Variants in DOK7 observed in about 807,000 individuals in gnomAD.
DOK7 encodes the protein docking protein 7.
Under a neutral mutation model 30.7 loss-of-function variants are expected in DOK7, and 32 were observed. The observed-to-expected ratio is 1.04, with a 90% CI of 0.79 to 1.40. The LOEUF is 1.40. Among genes scored for constraint, DOK7 ranks in the 40% most tolerant of loss-of-function variants. The probability of loss-of-function intolerance (pLI) is 0.00; values close to 1 mark genes in which losing one functional copy is unlikely to be tolerated. For synonymous variants in DOK7, 447 were observed against 324.1 expected, an observed-to-expected ratio of 1.38 and a Z score of -4.07; for missense variants, 1,007 against 699.2, an observed-to-expected ratio of 1.44 and a Z score of -4.97.
chr4:3,498,768 G>A (rs185286451), downstream of DOK7, among the ~76,000 whole-genome samples: 3 of 152,376 alleles, frequency 2.0e-5, no homozygotes, highest in Non-Finnish European at 4.4e-5. Context: ...TCGATGAAGG[G>A]GTCCTGGCAT....
In DOK7 at chr4:3,470,507, C is replaced by A. The variant is rs181768398; in HGVS notation, c.101-2899C>A. Reference sequence around the variant, plus strand: ...TGGCGTCCGTGAATCAGAAAGAGGTCTGAGGGTCGAGCGTGGGTTCAGCAT... The same window carrying A: ...TGGCGTCCGTGAATCAGAAAGAGGTATGAGGGTCGAGCGTGGGTTCAGCAT... On this transcript the variant is annotated intron_variant, in intron 2 of 6. Transcript: ENST00000340083. Among the ~76,000 whole-genome samples, 13 of 152,298 alleles carry A rather than the reference C, an allele frequency of 8.5e-5. No individual in the cohort carries two copies. In the East Asian group the frequency reaches 2.5e-3, roughly 29 times the overall value.
chr4:3,493,596 G>A lies in DOK7; in HGVS notation c.*95G>A. 6.5e-7 allele frequency: 1 copy of A among 1,539,652 alleles called. No individual in the cohort carries two copies. The highest frequency in any genetic ancestry group is 8.8e-7 in the Non-Finnish European group (1 of 1,141,272). ...CAGCCTCCTTGCAGACTGGTGCTCT[G>A]TGTTCTGTGGGAGGGACCGGGGGTC... On this transcript the variant is annotated 3_prime_UTR_variant, in exon 7 of 7. Coordinates refer to ENST00000340083, the MANE Select transcript of DOK7 (RefSeq NM_173660.5).
chr4:3,500,437 T>C (rs1008864961), intron 7 of DOK7: 5 of 1,531,634 alleles, frequency 3.3e-6, no homozygotes, highest in African/African-American at 1.4e-5. Flanking sequence ...GCACTGACAA[T>C]TGGGGGCTGG....
Position 3,473,536 on chromosome 4 carries a change from G to C in DOK7, c.231G>C (p.Thr77=). The change falls in exon 3 of 7, where the codon ACG becomes ACC. Residue 77 remains threonine (T), a synonymous_variant. Transcript: ENST00000340083. ...PGLPYEGLVH[T]LAIVCLSQAI... ...TGCCCTACGAGGGCCTGGTCCACAC[G>C]CTGGCCATTGTCTGCCTGTCCCAGG... 1.9e-6 allele frequency: 3 copies of C among 1,610,850 alleles called. No homozygotes were observed. Among genetic ancestry groups the C allele is most frequent in the Non-Finnish European group, 2.5e-6 (3 of 1,179,638 alleles).
intron 6 of DOK7, among the ~76,000 whole-genome samples, chr4:3,492,082 G>A (rs1026205512): frequency 6.6e-6 from 1 of 152,232 alleles, no homozygotes; most frequent in African/African-American, 2.4e-5. Flanking sequence ...GGGAGCCCTG[G>A]AAGGCAGAGC....
chr4:3,489,704 T>C lies in DOK7; in HGVS notation c.680T>C (p.Val227Ala). Reference protein sequence around the residue: ...PDPSPPGPSTVEERVAQEALE... With the variant: ...PDPSPPGPSTAEERVAQEALE... ...CCAAGTCCCCCGGGACCCTCGACTGTGGAGGAGCGTGTGGCCCAGGAAGCC... is the reference window on the plus strand; with the variant it reads ...CCAAGTCCCCCGGGACCCTCGACTGCGGAGGAGCGTGTGGCCCAGGAAGCC... The change falls in exon 6 of 7, where the codon GTG becomes GCG. Residue 227 changes from valine to alanine, a missense_variant. By Grantham distance (64) the Val-to-Ala change is moderately conservative (BLOSUM62 0). Transcript: ENST00000340083. The C allele has an allele frequency of 1.9e-6, 3 of 1,563,850 alleles. No individual in the cohort carries two copies. Among genetic ancestry groups the C allele is most frequent in the Non-Finnish European group, 2.6e-6 (3 of 1,154,328 alleles).
chr4:3,496,872 T>C (rs146575370), downstream of DOK7: 8,327 of 1,476,286 alleles, frequency 5.6e-3, 330 homozygotes, highest in African/African-American at 0.1. Context: ...GGTAGGCACC[T>C]GGAGCCAGTC....
downstream of DOK7, among the ~76,000 whole-genome samples, chr4:3,496,177 GC>G (rs1728900917): frequency 6.6e-6 from 1 of 152,234 alleles, no homozygotes; most frequent in Non-Finnish European, 1.5e-5. Flanking sequence ...TCCCGCAAGC[GC>G]CCTTCAGACC....
intron 5 of DOK7, among the ~76,000 whole-genome samples, chr4:3,489,380 G>A (rs953830129): frequency 1.3e-5 from 2 of 152,140 alleles, no homozygotes; most frequent in African/African-American, 4.8e-5. Context: ...ACTCGGTGGT[G>A]AGGAAGATGA....
chr4:3,496,730 G>A, downstream of DOK7: 1 of 1,433,002 alleles, frequency 7.0e-7, no homozygotes, highest in African/African-American at 1.4e-5. Flanking sequence ...GTCACTCTTG[G>A]GGGGTAGTGT....
rs199769286 is a variant in DOK7 at position 3,489,804 on chromosome 4, C to G, written c.772+8C>G. 4.5e-6 allele frequency: 7 copies of G among 1,569,220 alleles called. No individual in the cohort carries two copies. Among genetic ancestry groups the G allele is most frequent in the African/African-American group, 2.7e-5 (2 of 74,102 alleles). On this transcript the variant is annotated splice_region_variant and intron_variant, in intron 6 of 6. Coordinates refer to ENST00000340083, the MANE Select transcript of DOK7 (RefSeq NM_173660.5). The stretch of plus-strand genomic sequence containing the variant: ...GCAGGCCGGGCAGTGGAGGTAGGGC[C>G]GGGGGCTGACCTGGGCTGTGGGACC...
Position 3,473,679 on chromosome 4 carries a change from G to T in DOK7, c.331+43G>T, listed in dbSNP as rs57204641. The T allele has an allele frequency of 0.032, 47,970 of 1,499,750 alleles. 1,352 individuals are homozygous for T. The highest frequency in any genetic ancestry group is 0.12 in the African/African-American group (8,325 of 72,362). The allele number at this position is 1,499,750 out of a possible 1,614,324, so 92.9% of individuals were successfully genotyped here. A position where few individuals can be genotyped will look rare whatever the true frequency, so the allele number is the denominator to read the frequency against. ...GGGCCGGGCGGGGGCTCCCCGTTCA[G>T]GTGTGCCGGGGCCCCTCACCAACGT... On this transcript the variant is annotated intron_variant, in intron 3 of 6. Transcript: ENST00000340083.
In DOK7 at chr4:3,493,881, G is replaced by A. The variant is rs1162070055; in HGVS notation, c.*380G>A. 5.5e-5 allele frequency: 61 copies of A among 1,101,702 alleles called. No homozygotes were observed. The highest frequency in any genetic ancestry group is 1.3e-4 in the African/African-American group (8 of 60,102). 68.2% of individuals were successfully genotyped at this position (1,101,702 alleles called of 1,614,324 possible). On this transcript the variant is annotated 3_prime_UTR_variant, in exon 7 of 7. Transcript: ENST00000340083. ...TGGCCTTGTCCTCCTTGGGCCTCAC[G>A]CCCCCTTCGGGGGTGGCCGGTTCTC...
At chr4:3,489,866 C>A in intron 6 of DOK7, 70 bp downstream of exon 6, 2 of 1,537,364 alleles carry the variant, frequency 1.3e-6, no homozygotes, top group Non-Finnish European at 8.8e-7. Flanking sequence ...CAGGAGGCAT[C>A]CATGCATGTG....
At chr4:3,474,255 C>T (rs545924340) in intron 3 of DOK7, among the ~76,000 whole-genome samples, 10 of 152,240 alleles carry the variant, frequency 6.6e-5, no homozygotes, top group East Asian at 1.9e-4. Flanking sequence ...CCTGCATCTC[C>T]TAAGAAACCA....
chr4:3,493,246 C>A lies in DOK7; in HGVS notation c.1260C>A (p.Pro420=). 1.2e-6 allele frequency: 2 copies of A among 1,612,016 alleles called. No homozygotes were observed. The highest frequency in any genetic ancestry group is 1.7e-6 in the Non-Finnish European group (2 of 1,179,668). Residue 420 remains proline (P), a synonymous_variant, in exon 7 of 7, where the codon CCC becomes CCA. Transcript: ENST00000340083. ...GCCTGGCTCCTAGAGACCACAGCCC[C>A]CCCTCACAGGGCAGCCCCGGCAACA... ...SLCLAPRDHS[P]PSQGSPGNSA...
rs565468847 is a variant in DOK7 at position 3,494,370 on chromosome 4, C to A, written c.*869C>A. On this transcript the variant is annotated 3_prime_UTR_variant, in exon 7 of 7. Coordinates refer to ENST00000340083, the MANE Select transcript of DOK7 (RefSeq NM_173660.5). ...TCCTCTTGCACAGCCTGGAGCCTGCCCTGACCACAGCCCAGCAGCTCCCTG... is the reference window on the plus strand; with the variant it reads ...TCCTCTTGCACAGCCTGGAGCCTGCACTGACCACAGCCCAGCAGCTCCCTG... The A allele has an allele frequency of 1.1e-4, 106 of 985,648 alleles. No homozygotes were observed. Among genetic ancestry groups the A allele is most frequent in the Non-Finnish European group, 1.2e-4 (102 of 830,058 alleles). 61.1% of individuals were successfully genotyped at this position (985,648 alleles called of 1,614,324 possible).
At chr4:3,485,198 C>T (rs536625484) in intron 4 of DOK7, among the ~76,000 whole-genome samples, 57 of 152,290 alleles carry the variant, frequency 3.7e-4, no homozygotes, top group Non-Finnish European at 6.0e-4. Context: ...CAGGGCAGGG[C>T]ACCCCCTCCC....
rs1560212006 is a variant in DOK7, at chr4:3,476,143, G to GCCCCGCCTGCCCATGATGCCCTCTCA, written c.332-190_332-189insCCCATGATGCCCTCTCACCCCGCCTG. On this transcript the variant is annotated intron_variant, in intron 3 of 6. Coordinates refer to ENST00000340083, the MANE Select transcript of DOK7 (RefSeq NM_173660.5). ...TTGCCTCCTCTCATGATGCCCTCTCGCCCCGCCTGACCGTGATGCCCTCTC... is the reference window on the plus strand; with the variant it reads ...TTGCCTCCTCTCATGATGCCCTCTCGCCCCGCCTGCCCATGATGCCCTCTCACCCCGCCTGACCGTGATGCCCTCTC... Among the ~76,000 whole-genome samples, 27 of 107,216 alleles carry GCCCCGCCTGCCCATGATGCCCTCTCA rather than the reference G, an allele frequency of 2.5e-4. 3 individuals are homozygous for GCCCCGCCTGCCCATGATGCCCTCTCA. The highest frequency in any genetic ancestry group is 9.6e-4 in the African/African-American group (25 of 26,150). The allele number at this position is 107,216 out of a possible 152,430, so 70.3% of individuals were successfully genotyped here.
Sources: allele counts gnomAD v4.1 joint callset (sites outside exome capture counted in the v4.1 genomes callset), GRCh38; gene constraint gnomAD v4.1.1; transcripts MANE v1.5; gene names NCBI Gene and HGNC (gene_info 2026-07-23, HGNC 2026-07-21).